Variants in PPP1R21 observed in about 807,000 individuals in gnomAD.
PPP1R21 encodes KLRAQ motif containing 1.
PPP1R21 carries 85 observed loss-of-function variants against 112.8 expected under a neutral mutation model. The observed-to-expected ratio is 0.75, with a 90% confidence interval of 0.63 to 0.90. The LOEUF (loss-of-function observed/expected upper bound fraction) is 0.90, where lower values mean the gene tolerates loss of function less well. PPP1R21 is among the 40% of genes least tolerant of loss of function. The probability of loss-of-function intolerance (pLI) is 0.00; values close to 1 mark genes in which losing one functional copy is unlikely to be tolerated. For missense variants in PPP1R21, 1,199 were observed against 901.5 expected (o/e 1.33, Z -4.23); for synonymous variants, 381 against 322.3 (o/e 1.18, Z -1.95).
At chr2:48,486,104 T>G (rs1669284050) in intron 13 of PPP1R21, among the ~76,000 whole-genome samples, 1 of 151,868 alleles carries the variant, frequency 6.6e-6, no homozygotes, top group Non-Finnish European at 1.5e-5. Context: ...GCATAGGAAG[T>G]CAGGCACTGG....
At chr2:48,457,720 T>G (rs1042544815) in intron 3 of PPP1R21, among the ~76,000 whole-genome samples, 2 of 152,240 alleles carry the variant, frequency 1.3e-5, no homozygotes, top group Non-Finnish European at 2.9e-5. Flanking sequence ...CAATTTCTTA[T>G]GGAGTTTAAC....
chr2:48,467,456 T>C (rs1193610920), intron 9 of PPP1R21, among the ~76,000 whole-genome samples: 2 of 152,226 alleles, frequency 1.3e-5, no homozygotes, highest in Non-Finnish European at 2.9e-5. Flanking sequence ...GGGTCAAGAA[T>C]GGAGGGGCTA....
intron 13 of PPP1R21, among the ~76,000 whole-genome samples, chr2:48,482,663 T>TA (rs1174378118): frequency 6.6e-6 from 1 of 151,566 alleles, no homozygotes; most frequent in African/African-American, 2.4e-5. Context: ...TTTTTTTTTT[T>TA]AGGATGTCTA....
At chr2:48,463,730 G>C (rs1325412815) in intron 7 of PPP1R21, among the ~76,000 whole-genome samples, 1 of 152,020 alleles carries the variant, frequency 6.6e-6, no homozygotes, top group East Asian at 1.9e-4. Flanking sequence ...ATAGAAGCAG[G>C]GAGTGATTAT....
chr2:48,492,805 T>C (rs572567428), intron 15 of PPP1R21, among the ~76,000 whole-genome samples: 335 of 152,314 alleles, frequency 2.2e-3, no homozygotes, highest in Non-Finnish European at 3.6e-3. Context: ...TTTTCCAGAC[T>C]ATACTTCAGG....
intron 9 of PPP1R21, among the ~76,000 whole-genome samples, chr2:48,469,785 G>C (rs1310282344): frequency 6.6e-6 from 1 of 152,076 alleles, no homozygotes; most frequent in Admixed American, 6.6e-5. Context: ...GCCTATAAAA[G>C]ATCCTATGTG....
intron 17 of PPP1R21, 36 bp from the exon 18 acceptor site, chr2:48,505,528 A>C (rs1244061729): frequency 6.7e-7 from 1 of 1,493,240 alleles, no homozygotes; most frequent in African/African-American, 1.4e-5. Context: ...AAATGTACAC[A>C]TTCTGTTCTA....
At chr2:48,443,270 G>A (rs1193608027) in intron 1 of PPP1R21, among the ~76,000 whole-genome samples, 2 of 152,176 alleles carry the variant, frequency 1.3e-5, no homozygotes, top group Non-Finnish European at 2.9e-5. Flanking sequence ...CTGACACAAT[G>A]AGGGCCAGCG....
chr2:48,479,636 A>G, intron 12 of PPP1R21: 1 of 591,156 alleles, frequency 1.7e-6, no homozygotes, highest in Non-Finnish European at 3.2e-6. Flanking sequence ...GTAAACATTC[A>G]CAAAGACTTT....
At chr2:48,475,018 A>G (rs957118561) in intron 12 of PPP1R21, among the ~76,000 whole-genome samples, 199 bp downstream of exon 12, 4 of 152,136 alleles carry the variant, frequency 2.6e-5, no homozygotes, top group Non-Finnish European at 4.4e-5. Flanking sequence ...CTGGTTTTCT[A>G]TTTATATAAT....
intron 15 of PPP1R21, among the ~76,000 whole-genome samples, chr2:48,493,099 G>A (rs754011024): frequency 1.3e-4 from 18 of 137,092 alleles, no homozygotes; most frequent in African/African-American, 4.7e-4. Flanking sequence ...TCCGCCTCCC[G>A]GGTTCACACC....
At chr2:48,459,681 G>A (rs1222679410) in intron 4 of PPP1R21, 73 bp from the exon 5 acceptor site, 1 of 1,503,100 alleles carries the variant, frequency 6.7e-7, no homozygotes, top group Non-Finnish European at 9.0e-7. Context: ...TCAGTGAATA[G>A]TCACTGCTGT....
At chr2:48,495,639 C>A (rs753140073) in intron 15 of PPP1R21, 40 bp from the exon 16 acceptor site, 5 of 1,126,040 alleles carry the variant, frequency 4.4e-6, no homozygotes, top group South Asian at 2.5e-5. Context: ...AGGGGTGATA[C>A]AATATTTTTT....
chr2:48,475,609 A>C (rs370980813), intron 12 of PPP1R21, among the ~76,000 whole-genome samples: 3 of 152,094 alleles, frequency 2.0e-5, no homozygotes, highest in African/African-American at 7.2e-5. Context: ...GCACTTTGGG[A>C]GGCTGAGGTG....
intron 7 of PPP1R21, among the ~76,000 whole-genome samples, chr2:48,464,278 G>C (rs1377244974): frequency 6.6e-6 from 1 of 152,148 alleles, no homozygotes; most frequent in East Asian, 1.9e-4. Flanking sequence ...ATCGTATTTT[G>C]GCACTGGGGT....
intron 18 of PPP1R21, among the ~76,000 whole-genome samples, chr2:48,506,240 C>T (rs547796818): frequency 6.6e-6 from 1 of 152,266 alleles, no homozygotes; most frequent in African/African-American, 2.4e-5. Flanking sequence ...ACTTCAGGCG[C>T]ATGTCACCAT....
At chr2:48,475,600 C>A (rs1668716687) in intron 12 of PPP1R21, among the ~76,000 whole-genome samples, 1 of 152,118 alleles carries the variant, frequency 6.6e-6, no homozygotes, top group South Asian at 2.1e-4. Flanking sequence ...GTAATCCCAG[C>A]ACTTTGGGAG....
intron 7 of PPP1R21, among the ~76,000 whole-genome samples, chr2:48,461,462 A>T (rs1667976936): frequency 6.6e-6 from 1 of 152,142 alleles, no homozygotes; most frequent in African/African-American, 2.4e-5. Flanking sequence ...CCAAATCCAC[A>T]TTTTTTGATT....
rs185336874 is a variant in PPP1R21 at position 48,493,433 on chromosome 2, G to A, written c.1600-2246G>A. 2.7e-3 allele frequency among the ~76,000 whole-genome samples: 418 copies of A among 152,284 alleles called. 1 individual carries two copies. Among genetic ancestry groups the A allele is most frequent in the Non-Finnish European group, 4.5e-3 (304 of 68,010 alleles). On this transcript the variant is annotated intron_variant, in intron 15 of 21. Transcript: ENST00000294952. ...GCTGTAATAGTTTTTCAAAATAGAA[G>A]TTTTTATTTTTGTATCATCAAATAG...
Sources: allele counts gnomAD v4.1 joint callset (sites outside exome capture counted in the v4.1 genomes callset), GRCh38; gene constraint gnomAD v4.1.1; transcripts MANE v1.5; gene names NCBI Gene and HGNC (gene_info 2026-07-23, HGNC 2026-07-21).